The following KMT5B variants were observed in gnomAD, a reference collection of about 807,000 sequenced individuals.
The protein encoded by KMT5B is lysine methyltransferase 5B.
KMT5B carries 10 observed loss-of-function variants against 83.2 expected under a neutral mutation model. That is an observed-to-expected ratio of 0.12 (90% confidence interval 0.07 to 0.20). The LOEUF (loss-of-function observed/expected upper bound fraction) is 0.20, where lower values mean the gene tolerates loss of function less well. KMT5B is among the 10% of genes least tolerant of loss of function. KMT5B has a pLI of 1.00. For missense variants in KMT5B, 753 were observed against 1,067.2 expected, an observed-to-expected ratio of 0.71 and a Z score of 4.10; for synonymous variants, 349 against 388.8, an observed-to-expected ratio of 0.90 and a Z score of 1.20.
chr11:68,171,803 C>T lies in KMT5B; in HGVS notation c.654-94G>A, dbSNP rs1855859365. 6 of 1,037,302 alleles carry T rather than the reference C, an allele frequency of 5.8e-6. No individual in the cohort carries two copies. Among genetic ancestry groups the T allele is most frequent in the Non-Finnish European group, 8.4e-6 (6 of 715,308 alleles). 64.3% of individuals were successfully genotyped at this position (1,037,302 alleles called of 1,614,324 possible). Reference sequence around the variant, plus strand: ...TAATCCTGACAATAAATATCAGAAACTGAAAAGGCCTAGCTGTCTATACTT... The same window carrying T: ...TAATCCTGACAATAAATATCAGAAATTGAAAAGGCCTAGCTGTCTATACTT... On this transcript the variant is annotated intron_variant, in intron 6 of 10. Transcript: ENST00000304363. This position sits in a 1 kb window ranked among gnomAD's most constrained non-coding sequence, Gnocchi z 5.1.
chr11:68,159,975 T>C (rs771698144), intron 10 of KMT5B, among the ~76,000 whole-genome samples: 3 of 152,146 alleles, frequency 2.0e-5, no homozygotes, highest in Non-Finnish European at 2.9e-5. Flanking sequence ...AAGGCCAGGA[T>C]AGAAAAGGGT....
chr11:68,175,010 A>C lies in KMT5B; in HGVS notation c.543+8T>G. 9.3e-6 allele frequency: 15 copies of C among 1,611,972 alleles called. No individual in the cohort carries two copies. Among genetic ancestry groups the C allele is most frequent in the Non-Finnish European group, 1.3e-5 (15 of 1,178,368 alleles). ...ATAGGTTAACAGCATCAGTCTTAATAAACTTACATGTTCTTTGAATAATTT... is the reference window on the plus strand; with the variant it reads ...ATAGGTTAACAGCATCAGTCTTAATCAACTTACATGTTCTTTGAATAATTT... On this transcript the variant is annotated splice_region_variant and intron_variant, in intron 5 of 10. Coordinates refer to ENST00000304363, the MANE Select transcript of KMT5B (RefSeq NM_017635.5).
At chr11:68,206,629 A>C (rs1045870020) in intron 1 of KMT5B, among the ~76,000 whole-genome samples, 1 of 152,210 alleles carries the variant, frequency 6.6e-6, no homozygotes, top group Non-Finnish European at 1.5e-5. Context: ...AATGAAAAGA[A>C]GGCCTCCCTA....
chr11:68,164,801 G>C, intron 10 of KMT5B: 1 of 452,572 alleles, frequency 2.2e-6, no homozygotes, highest in South Asian at 1.6e-5. Context: ...CTCTGAACTT[G>C]AAAGCCTGTG....
In KMT5B at chr11:68,157,659, T is replaced by TTC; in HGVS notation, c.*28_*29insGA. ...GGAATTTTTTATTTCTTTAAAGTAG[T>TTC]TATCCCAGGTCAAGTTAAGACCAAG... On this transcript the variant is annotated 3_prime_UTR_variant, in exon 11 of 11. Transcript: ENST00000304363. The TTC allele has an allele frequency of 6.6e-7, 1 of 1,509,398 alleles. No homozygotes were observed. Among genetic ancestry groups the TTC allele is most frequent in the Non-Finnish European group, 8.8e-7 (1 of 1,132,468 alleles). 93.5% of individuals were successfully genotyped at this position (1,509,398 alleles called of 1,614,324 possible).
At chr11:68,198,830 A>C (rs113095520) in intron 1 of KMT5B, among the ~76,000 whole-genome samples, 15,137 of 152,216 alleles carry the variant, frequency 0.099, 820 homozygotes, top group East Asian at 0.23. Flanking sequence ...CCCGGGTTCA[A>C]GCCATTCTCC....
At chr11:68,174,065 T>C in intron 5 of KMT5B, 152 bp from the exon 6 acceptor site, 1 of 677,014 alleles carries the variant, frequency 1.5e-6, no homozygotes, top group East Asian at 2.9e-5. Flanking sequence ...CGAAAAACAT[T>C]AGCCAAGCAT....
intron 10 of KMT5B, chr11:68,166,027 CA>C (rs1855289726): frequency 6.2e-7 from 1 of 1,610,304 alleles, no homozygotes; most frequent in East Asian, 2.2e-5. Flanking sequence ...ATCAGTATCT[CA>C]GAGGGCTCTA....
At chr11:68,188,744 G>T (rs1415916624) in intron 2 of KMT5B, among the ~76,000 whole-genome samples, 1 of 152,184 alleles carries the variant, frequency 6.6e-6, no homozygotes, top group Non-Finnish European at 1.5e-5. Context: ...GGCCAACAGT[G>T]ATTTCCTAAA....
chr11:68,192,336 C>T (rs1858181985), intron 1 of KMT5B, among the ~76,000 whole-genome samples: 1 of 152,172 alleles, frequency 6.6e-6, no homozygotes, highest in Non-Finnish European at 1.5e-5. Context: ...CTTGGCTCTC[C>T]CCAATCATAT....
chr11:68,198,743 T>C (rs1859046174), intron 1 of KMT5B, among the ~76,000 whole-genome samples: 1 of 152,260 alleles, frequency 6.6e-6, no homozygotes, highest in Non-Finnish European at 1.5e-5. Flanking sequence ...GCTTCTTTTT[T>C]TTTTGAGACG....
chr11:68,189,886 C>T, intron 2 of KMT5B, 31 bp downstream of exon 2: 1 of 1,588,512 alleles, frequency 6.3e-7, no homozygotes, highest in Non-Finnish European at 8.6e-7. Flanking sequence ...ATATCACAAT[C>T]AGAACATTGA....
In KMT5B at chr11:68,185,890, C is replaced by A; in HGVS notation, c.199G>T (p.Val67Leu). 1 of 1,612,020 alleles carries A rather than the reference C, an allele frequency of 6.2e-7. No individual in the cohort carries two copies. Among genetic ancestry groups the A allele is most frequent in the Non-Finnish European group, 8.5e-7 (1 of 1,179,182 alleles). The part of the protein sequence containing the change: ...NSGFEGQSRY[V>L]PSSGMSAKEL... ...TTGGCGGACATTCCAGAGGATGGTA[C>A]ATAGCGACTCTGTCCTTCAAATCCC... The change falls in exon 3 of 11, where the codon GTA becomes TTA. Residue 67 changes from valine to leucine, a missense_variant. Val to Leu is a conservative substitution (Grantham distance 32, BLOSUM62 1). This residue lies in a region of KMT5B where 56 missense variants were observed against 91.4 expected (regional missense o/e 0.61). Coordinates refer to ENST00000304363, the MANE Select transcript of KMT5B (RefSeq NM_017635.5).
chr11:68,211,727 G>A (rs1860929182), intron 1 of KMT5B, among the ~76,000 whole-genome samples: 1 of 152,318 alleles, frequency 6.6e-6, no homozygotes, highest in East Asian at 1.9e-4. Context: ...TGTACGGGGT[G>A]GAGAAAAGGG....
chr11:68,166,632 T>C, intron 10 of KMT5B: 1 of 1,056,382 alleles, frequency 9.5e-7, no homozygotes, highest in Non-Finnish European at 1.1e-6. Context: ...TCTAATTTAA[T>C]TCTACTCAGT....
At chr11:68,188,304 G>A (rs1338457084) in intron 2 of KMT5B, among the ~76,000 whole-genome samples, 1 of 151,168 alleles carries the variant, frequency 6.6e-6, no homozygotes, top group Non-Finnish European at 1.5e-5. Flanking sequence ...GATTACAGGC[G>A]TGAGCCACCA....
At chr11:68,159,337 T>A (rs1173124002) in intron 10 of KMT5B, among the ~76,000 whole-genome samples, 166 bp from the exon 11 acceptor site, 1 of 152,214 alleles carries the variant, frequency 6.6e-6, no homozygotes, top group Admixed American at 6.6e-5. Flanking sequence ...CCTACACTGC[T>A]TCTCTTTGAA....
At chr11:68,189,038 G>A (rs768819797) in intron 2 of KMT5B, among the ~76,000 whole-genome samples, 5 of 152,148 alleles carry the variant, frequency 3.3e-5, no homozygotes, top group South Asian at 4.1e-4. Context: ...CCAATGAATC[G>A]CATAAACCCT....
At chr11:68,183,047 T>C (rs1857097731) in intron 3 of KMT5B, among the ~76,000 whole-genome samples, 1 of 152,134 alleles carries the variant, frequency 6.6e-6, no homozygotes, top group African/African-American at 2.4e-5. Flanking sequence ...ATTGTAATTC[T>C]GATGTAACGC....
Sources: allele counts gnomAD v4.1 joint callset (sites outside exome capture counted in the v4.1 genomes callset), GRCh38; gene constraint gnomAD v4.1.1; regional missense constraint gnomAD v4.1.1; non-coding constraint Gnocchi (gnomAD v3.1); transcripts MANE v1.5; gene names NCBI Gene and HGNC (gene_info 2026-07-23, HGNC 2026-07-21).